LIMD1: variants seen among roughly 807,000 people sequenced by gnomAD.
LIMD1 encodes LIM domain-containing protein 1.
LIMD1 carries 23 observed loss-of-function variants against 58.4 expected under a neutral mutation model. The observed-to-expected ratio is 0.39, with a 90% confidence interval of 0.28 to 0.56. The LOEUF (loss-of-function observed/expected upper bound fraction) is 0.56. Ranked by LOEUF, LIMD1 falls within the 20% of genes least tolerant of loss-of-function variation. The pLI, the probability that LIMD1 is intolerant of heterozygous loss-of-function variation, is 0.57. For missense variants in LIMD1, 838 were observed against 855.5 expected (o/e 0.98, Z 0.25); for synonymous variants, 334 against 345.5 (o/e 0.97, Z 0.37).
chr3:45,639,379 C>T (rs116228304), intron 2 of LIMD1, among the ~76,000 whole-genome samples: 4,609 of 152,248 alleles, frequency 0.03, 76 homozygotes, highest in Non-Finnish European at 0.041. Context: ...AATTGATGAG[C>T]GTCTTAGTCT....
At chr3:45,644,500 A>G (rs1352590032) in intron 2 of LIMD1, among the ~76,000 whole-genome samples, 1 of 152,180 alleles carries the variant, frequency 6.6e-6, no homozygotes, top group Non-Finnish European at 1.5e-5. Flanking sequence ...TGGGCCTGAC[A>G]CCGCATAACC....
At chr3:45,640,521 G>A (rs920197007) in intron 2 of LIMD1, among the ~76,000 whole-genome samples, 1 of 151,950 alleles carries the variant, frequency 6.6e-6, no homozygotes, top group South Asian at 2.1e-4. Flanking sequence ...TCTGCCTCCC[G>A]GGTTCAAGCG....
At chr3:45,646,191 G>C (rs981401022) in intron 2 of LIMD1, among the ~76,000 whole-genome samples, 1 of 152,194 alleles carries the variant, frequency 6.6e-6, no homozygotes, top group Admixed American at 6.5e-5. Flanking sequence ...TTGCCCAGCT[G>C]GTGAGTGGGG....
intron 1 of LIMD1, among the ~76,000 whole-genome samples, chr3:45,615,177 A>G (rs543864754): frequency 2.0e-5 from 3 of 152,246 alleles, no homozygotes; most frequent in Admixed American, 6.5e-5. Flanking sequence ...ATGTGTTTAT[A>G]TGAGGTTGAA....
chr3:45,628,027 G>GAAAAA (rs1701684059), intron 1 of LIMD1, among the ~76,000 whole-genome samples: 11 of 139,892 alleles, frequency 7.9e-5, no homozygotes, highest in Admixed American at 7.7e-4. Context: ...AAAGAAAAAA[G>GAAAAA]AATATATGAA....
At chr3:45,665,920 G>A (rs562720895) in intron 3 of LIMD1, among the ~76,000 whole-genome samples, 7 of 152,236 alleles carry the variant, frequency 4.6e-5, no homozygotes, top group African/African-American at 1.7e-4. Context: ...GGAACTGTGG[G>A]GTCACTTGGC....
intron 1 of LIMD1, among the ~76,000 whole-genome samples, chr3:45,611,890 C>T (rs1487157241): frequency 6.6e-6 from 1 of 152,160 alleles, no homozygotes; most frequent in East Asian, 1.9e-4. Context: ...CTGGGTTGCC[C>T]ATGCCTGACG....
At chr3:45,624,917 G>C (rs1221754051) in intron 1 of LIMD1, among the ~76,000 whole-genome samples, 2 of 149,644 alleles carry the variant, frequency 1.3e-5, no homozygotes, top group Non-Finnish European at 3.0e-5. Flanking sequence ...TGCCTTTGCT[G>C]GGAGAGTGGA....
intron 4 of LIMD1, among the ~76,000 whole-genome samples, 176 bp downstream of exon 4, chr3:45,668,532 C>T (rs1338215731): frequency 2.6e-5 from 4 of 152,252 alleles, no homozygotes; most frequent in East Asian, 1.9e-4. Flanking sequence ...GGGCGGATCA[C>T]GAGGTCAGGA....
intron 1 of LIMD1, among the ~76,000 whole-genome samples, chr3:45,627,447 A>G (rs1701677713): frequency 6.6e-6 from 1 of 152,186 alleles, no homozygotes; most frequent in Admixed American, 6.5e-5. Flanking sequence ...TAAATGAAGA[A>G]ACACATATAA....
At chr3:45,652,595 C>T (rs1701986312) in intron 2 of LIMD1, among the ~76,000 whole-genome samples, 1 of 152,198 alleles carries the variant, frequency 6.6e-6, no homozygotes, top group South Asian at 2.1e-4. Flanking sequence ...TCTTTCTAGT[C>T]TTGCTTTTAT....
chr3:45,649,298 C>A (rs1256301847), intron 2 of LIMD1, among the ~76,000 whole-genome samples: 1 of 152,100 alleles, frequency 6.6e-6, no homozygotes, highest in Non-Finnish European at 1.5e-5. Context: ...CTTCTCTTAA[C>A]ATTTTTTCTT....
chr3:45,642,167 T>A (rs1575356200), intron 2 of LIMD1, among the ~76,000 whole-genome samples: 1 of 151,804 alleles, frequency 6.6e-6, no homozygotes, highest in Admixed American at 6.6e-5. Context: ...TGTGAGAAAA[T>A]TGTATCTTTT....
intron 1 of LIMD1, chr3:45,635,787 T>G: frequency 5.3e-6 from 2 of 376,312 alleles, no homozygotes; most frequent in Non-Finnish European, 7.1e-6. Flanking sequence ...TTTCCCAACC[T>G]GCATGCTTGG....
chr3:45,667,658 T>C (rs955227277), intron 3 of LIMD1, among the ~76,000 whole-genome samples: 6 of 151,726 alleles, frequency 4.0e-5, no homozygotes, highest in Non-Finnish European at 5.9e-5. Flanking sequence ...TTAAGTTTCT[T>C]TGAAGCTAAC....
intron 3 of LIMD1, 135 bp from the exon 4 acceptor site, chr3:45,668,159 A>C: frequency 1.5e-6 from 1 of 666,846 alleles, no homozygotes; most frequent in Non-Finnish European, 2.6e-6. Context: ...GCTGTGTTGT[A>C]CTTGGGGATG....
At chr3:45,641,528 T>TTA (rs1378837353) in intron 2 of LIMD1, among the ~76,000 whole-genome samples, 272 of 149,116 alleles carry the variant, frequency 1.8e-3, no homozygotes, top group Non-Finnish European at 2.9e-3. Flanking sequence ...TTTATATTTT[T>TTA]TATATATATA....
At chr3:45,639,332 C>A (rs926118316) in intron 2 of LIMD1, among the ~76,000 whole-genome samples, 1 of 152,192 alleles carries the variant, frequency 6.6e-6, no homozygotes, top group African/African-American at 2.4e-5. Flanking sequence ...CAAGCAGTTA[C>A]CATTTGAATT....
chr3:45,632,535 G>T, intron 1 of LIMD1: 29 of 985,372 alleles, frequency 2.9e-5, no homozygotes, highest in Non-Finnish European at 3.4e-5. Context: ...GTGTGCCCAA[G>T]ATACAAGGAA....
Sources: allele counts gnomAD v4.1 joint callset (sites outside exome capture counted in the v4.1 genomes callset), GRCh38; gene constraint gnomAD v4.1.1; transcripts MANE v1.5; gene names NCBI Gene and HGNC (gene_info 2026-07-23, HGNC 2026-07-21).